Variants in FUT8 observed in about 807,000 individuals in gnomAD.
The protein encoded by FUT8 is fucosyltransferase 8, also known as alpha-(1,6)-fucosyltransferase.
A neutral mutation model predicts 71.3 loss-of-function variants in FUT8; 29 were observed. The ratio of observed to expected loss-of-function variants is 0.41; its 90% CI spans 0.30 to 0.55. The LOEUF is 0.55. Ranked by LOEUF, FUT8 falls within the 20% of genes least tolerant of loss-of-function variation. The pLI is 0.34. For synonymous variants in FUT8, 254 were observed against 239.3 expected (o/e 1.06, Z -0.57); for missense variants, 544 against 702.1 (o/e 0.77, Z 2.55).
rs183356447 is a variant in FUT8, at chr14:65,589,588, C to T, written c.204-26390C>T. ...CCTCCCGAGTAGCTGGGACTACAGG[C>T]GCCCGCCACCACGCCTGGCTAACTT... On this transcript the variant is annotated intron_variant, in intron 3 of 10. Transcript: ENST00000673929. Among the ~76,000 whole-genome samples the T allele has an allele frequency of 7.9e-5, 12 of 152,022 alleles. No individual in the cohort carries two copies. The East Asian group carries it at 2.1e-3, about 27-fold the overall frequency.
At chr14:65,613,480 C>T (rs138450665) in intron 3 of FUT8, among the ~76,000 whole-genome samples, 1 of 152,272 alleles carries the variant, frequency 6.6e-6, no homozygotes, top group East Asian at 1.9e-4. Flanking sequence ...TATGCGTGCT[C>T]ATAAATTGGG....
chr14:65,368,818 G>A, the FUT8 span, among the ~76,000 whole-genome samples: 15 of 151,930 alleles, frequency 9.9e-5, no homozygotes, highest in African/African-American at 3.4e-4. Flanking sequence ...CACCGCGCCC[G>A]GCCTATTTTT....
chr14:65,403,184 C>T, the FUT8 span, among the ~76,000 whole-genome samples: 1 of 152,158 alleles, frequency 6.6e-6, no homozygotes, highest in Non-Finnish European at 1.5e-5. Context: ...CAGTGTCAGG[C>T]TCTGTTCTTA....
intron 7 of FUT8, among the ~76,000 whole-genome samples, chr14:65,720,168 C>G (rs1206273495): frequency 6.6e-6 from 1 of 152,136 alleles, no homozygotes; most frequent in Non-Finnish European, 1.5e-5. Flanking sequence ...GAGCTGGCAT[C>G]CAAACCATAA....
Position 65,616,102 on chromosome 14 carries a change from T to C in FUT8, c.319+9T>C. On this transcript the variant is annotated intron_variant, in intron 4 of 10. Transcript: ENST00000673929. ...GAAACAGACCAGAAATGGTAGGTGATTATACAGTGTTTTCCCCTCCTCAGT... is the reference window on the plus strand; with the variant it reads ...GAAACAGACCAGAAATGGTAGGTGACTATACAGTGTTTTCCCCTCCTCAGT... 1 of 1,609,970 alleles carries C rather than the reference T, an allele frequency of 6.2e-7. No homozygotes were observed. The highest frequency in any genetic ancestry group is 8.5e-7 in the Non-Finnish European group (1 of 1,176,700).
intron 2 of FUT8, among the ~76,000 whole-genome samples, chr14:65,547,848 C>T (rs977226292): frequency 2.6e-5 from 4 of 151,882 alleles, no homozygotes; most frequent in Non-Finnish European, 5.9e-5. Flanking sequence ...TTCATCTAAA[C>T]TAATAAATTA....
chr14:65,430,727 TA>T (rs2139426981), intron 1 of FUT8, among the ~76,000 whole-genome samples: 1 of 151,780 alleles, frequency 6.6e-6, no homozygotes, highest in African/African-American at 2.4e-5. Context: ...GAAGAATAAT[TA>T]AAAGTTTTGT....
intron 2 of FUT8, among the ~76,000 whole-genome samples, chr14:65,557,050 G>C (rs541369070): frequency 6.6e-6 from 1 of 152,252 alleles, no homozygotes; most frequent in East Asian, 1.9e-4. Flanking sequence ...CACTTCTTCT[G>C]TGCCAAGCAT....
rs1050636472 is a variant in FUT8 at position 65,627,719 on chromosome 14, T to C, written c.483-1773T>C. On this transcript the variant is annotated intron_variant, in intron 5 of 10. Transcript: ENST00000673929. This position sits in a 1 kb window ranked among gnomAD's most constrained non-coding sequence, Gnocchi z 4.0. ...ATATAACAGTTAAAGTCTGCCATTTTGCCTCTTAGTACGCGTTTGAGCCAA... is the reference window on the plus strand; with the variant it reads ...ATATAACAGTTAAAGTCTGCCATTTCGCCTCTTAGTACGCGTTTGAGCCAA... Among the ~76,000 whole-genome samples, 4 of 152,228 alleles carry C rather than the reference T, an allele frequency of 2.6e-5. No homozygotes were observed. Among genetic ancestry groups the C allele is most frequent in the African/African-American group, 7.2e-5 (3 of 41,462 alleles).
In FUT8 at chr14:65,561,393, G is replaced by T; in HGVS notation, c.-171G>T. The T allele has an allele frequency of 4.8e-6, 3 of 628,758 alleles. No individual in the cohort carries two copies. The highest frequency in any genetic ancestry group is 2.9e-5 in the Admixed American group (1 of 35,006). The allele number at this position is 628,758 out of a possible 1,614,324, so 38.9% of individuals were successfully genotyped here. A position where few individuals can be genotyped will look rare whatever the true frequency, so the allele number is the denominator to read the frequency against. On this transcript the variant is annotated 5_prime_UTR_variant, in exon 3 of 11. Coordinates refer to ENST00000673929, the MANE Select transcript of FUT8 (RefSeq NM_001371533.1). ...AGCTTCCTACACATATCACCAGGAGGATCTCTTTGAAAGATTCACTGCAGG... is the reference window on the plus strand; with the variant it reads ...AGCTTCCTACACATATCACCAGGAGTATCTCTTTGAAAGATTCACTGCAGG...
intron 2 of FUT8, among the ~76,000 whole-genome samples, chr14:65,491,491 G>A (rs1452231780): frequency 6.6e-6 from 1 of 152,096 alleles, no homozygotes; most frequent in Non-Finnish European, 1.5e-5. Flanking sequence ...GCAGCATGGG[G>A]ACAATAGGTT....
At chr14:65,433,953 C>T (rs1370050322) in intron 1 of FUT8, among the ~76,000 whole-genome samples, 2 of 152,160 alleles carry the variant, frequency 1.3e-5, no homozygotes, top group African/African-American at 4.8e-5. Context: ...TGTGTGCCAC[C>T]AGGCTCAGCT....
At chr14:65,536,969 C>CT (rs57549287) in intron 2 of FUT8, among the ~76,000 whole-genome samples, 2,060 of 124,546 alleles carry the variant, frequency 0.017, 54 homozygotes, top group African/African-American at 0.049. Flanking sequence ...TCTTCTTCTT[C>CT]TTTTTTTTTT....
At chr14:65,617,770 C>T (rs576087266) in intron 5 of FUT8, among the ~76,000 whole-genome samples, 1 of 151,704 alleles carries the variant, frequency 6.6e-6, no homozygotes, top group South Asian at 2.1e-4. Flanking sequence ...ATGGTGAAAC[C>T]CCGTCTCTAC....
At chr14:65,621,183 C>T (rs1439475882) in intron 5 of FUT8, among the ~76,000 whole-genome samples, 1 of 151,998 alleles carries the variant, frequency 6.6e-6, no homozygotes, top group African/African-American at 2.4e-5. Context: ...GATAAAGGTT[C>T]TGCATTCATT....
intron 3 of FUT8, among the ~76,000 whole-genome samples, chr14:65,611,721 C>G (rs779224259): frequency 6.6e-6 from 1 of 152,094 alleles, no homozygotes; most frequent in Non-Finnish European, 1.5e-5. Flanking sequence ...AGTTCAAAGG[C>G]GTGATCTCGA....
Position 65,638,749 on chromosome 14 carries a change from C to T in FUT8, c.597+9143C>T, listed in dbSNP as rs191635492. On this transcript the variant is annotated intron_variant, in intron 6 of 10. Transcript: ENST00000673929. The surrounding 1 kb of genome is among the most constrained non-coding windows in gnomAD (Gnocchi z 4.5). Reference sequence around the variant, plus strand: ...TTTAAAGCCAGAATATAACTATATACGTTATTTATGTGCTTGTATACTGAC... The same window carrying T: ...TTTAAAGCCAGAATATAACTATATATGTTATTTATGTGCTTGTATACTGAC... Among the ~76,000 whole-genome samples the T allele has an allele frequency of 2.7e-4, 41 of 152,194 alleles. No individual in the cohort carries two copies. Among genetic ancestry groups the T allele is most frequent in the Non-Finnish European group, 5.0e-4 (34 of 67,996 alleles).
chr14:65,381,066 A>G, the FUT8 span, among the ~76,000 whole-genome samples: 1 of 152,310 alleles, frequency 6.6e-6, no homozygotes, highest in South Asian at 2.1e-4. Context: ...ATCTAAAGTT[A>G]TATTTTTTTA....
At chr14:65,617,368 A>G (rs749727449) in intron 5 of FUT8, among the ~76,000 whole-genome samples, 1 of 152,212 alleles carries the variant, frequency 6.6e-6, no homozygotes, top group Non-Finnish European at 1.5e-5. Flanking sequence ...TTATTAGGCC[A>G]CACATTGGAC....
Sources: gnomAD v4.1 joint callset for allele counts (sites outside exome capture counted in the v4.1 genomes callset) on GRCh38, gnomAD v4.1.1 for gene constraint, Gnocchi (gnomAD v3.1) non-coding constraint, MANE v1.5 for transcripts, NCBI Gene and HGNC (gene_info 2026-07-23, HGNC 2026-07-21) for gene names.